The following ELAC1 variants were observed in gnomAD, a reference collection of about 807,000 sequenced individuals.
The protein encoded by ELAC1 is zinc phosphodiesterase ELAC protein 1.
Under a neutral mutation model 25.8 loss-of-function variants are expected in ELAC1, and 19 were observed. The observed-to-expected ratio is 0.74, with a 90% CI of 0.51 to 1.08. The LOEUF (loss-of-function observed/expected upper bound fraction) is 1.08, where lower values mean the gene tolerates loss of function less well. Among genes scored for constraint, ELAC1 ranks in the 50% least tolerant of loss-of-function variants. ELAC1 has a pLI of 0.00. For synonymous variants in ELAC1, 148 were observed against 160.9 expected, an observed-to-expected ratio of 0.92 and a Z score of 0.61; for missense variants, 403 against 434.6, an observed-to-expected ratio of 0.93 and a Z score of 0.65.
rs1464888580 is a variant in ELAC1, at chr18:50,971,908, GTGTGTATA to G, written c.-8-2487_-8-2480del. On this transcript the variant is annotated intron_variant, in intron 1 of 3. Coordinates refer to ENST00000269466, the MANE Select transcript of ELAC1 (RefSeq NM_018696.3). Reference sequence around the variant, plus strand: ...TATATATGTATATATGTGTGTGTGTGTGTGTATATATATATATATATATATATATATAT... The same window carrying G: ...TATATATGTATATATGTGTGTGTGTGTATATATATATATATATATATATAT... Among the ~76,000 whole-genome samples the G allele has an allele frequency of 9.2e-3, 1,172 of 127,212 alleles. 11 individuals are homozygous for G. The highest frequency in any genetic ancestry group is 0.028 in the East Asian group (130 of 4,646). The allele number at this position is 127,212 out of a possible 152,430, so 83.5% of individuals were successfully genotyped here.
chr18:50,971,890 GTATATA>G (rs1253586508), intron 1 of ELAC1, among the ~76,000 whole-genome samples: 14 of 114,590 alleles, frequency 1.2e-4, no homozygotes, highest in African/African-American at 3.8e-4. Context: ...GTATATATAT[GTATATA>G]TGTGTGTGTG....
chr18:50,970,074 ATAGGGT>A, intron 1 of ELAC1, among the ~76,000 whole-genome samples: 1 of 152,182 alleles, frequency 6.6e-6, no homozygotes. Context: ...CCAATTATTG[ATAGGGT>A]TTTTTGTTTT....
At chr18:50,972,580 C>T (rs1227848291) in intron 1 of ELAC1, among the ~76,000 whole-genome samples, 1 of 152,180 alleles carries the variant, frequency 6.6e-6, no homozygotes, top group Non-Finnish European at 1.5e-5. Context: ...CTCCCAGGTT[C>T]AAGCAATTCT....
intron 2 of ELAC1, among the ~76,000 whole-genome samples, chr18:50,983,681 T>A (rs947672764): frequency 6.9e-6 from 1 of 145,284 alleles, no homozygotes; most frequent in African/African-American, 2.5e-5. Flanking sequence ...AGACCTCATT[T>A]CTACAAAATT....
At chr18:50,975,642 C>T (rs557945272) in intron 2 of ELAC1, among the ~76,000 whole-genome samples, 3 of 151,960 alleles carry the variant, frequency 2.0e-5, no homozygotes, top group South Asian at 2.1e-4. Context: ...CTTATTAGGT[C>T]TTGATAAATA....
intron 2 of ELAC1, among the ~76,000 whole-genome samples, chr18:50,980,374 C>G (rs1473162755): frequency 6.6e-6 from 1 of 151,118 alleles, no homozygotes; most frequent in Non-Finnish European, 1.5e-5. Flanking sequence ...TAATCTTGGC[C>G]AAAAAAACCC....
In ELAC1 at chr18:50,984,121, A is replaced by T. The variant is rs527424233; in HGVS notation, c.183A>T (p.Thr61=). 6 of 1,593,150 alleles carry T rather than the reference A, an allele frequency of 3.8e-6. No individual in the cohort carries two copies. The Admixed American group carries it at 9.1e-5, about 24-fold the overall frequency. Residue 61 remains threonine (T), a synonymous_variant, in exon 3 of 4, where the codon ACA becomes ACT. Transcript: ENST00000269466. ...KAGRITKIFI[T]HLHGDHFFGL... is the part of the protein sequence containing the mutation. ...GGAGAATTACCAAGATCTTCATCACACACCTTCATGGAGACCATTTCTTTG... is the reference window on the plus strand; with the variant it reads ...GGAGAATTACCAAGATCTTCATCACTCACCTTCATGGAGACCATTTCTTTG...
At position 50,984,209 on chromosome 18, in the gene ELAC1, A is replaced by T; in HGVS notation, c.271A>T (p.Ile91Phe). The change falls in exon 3 of 4, where the codon ATT becomes TTT. Residue 91 changes from isoleucine (I) to phenylalanine (F), a missense_variant. Transcript: ENST00000269466. ...QSGSMVSKQP[I>F]EIYGPVGLRD... ...TGGCTCCATGGTGTCCAAACAGCCT[A>T]TTGAAATCTATGGCCCTGTAGGGCT... The T allele has an allele frequency of 1.2e-6, 2 of 1,614,140 alleles. No homozygotes were observed. Among genetic ancestry groups the T allele is most frequent in the Non-Finnish European group, 1.7e-6 (2 of 1,180,018 alleles).
rs576336611 is a variant in ELAC1, at chr18:50,968,069, C to G, written c.-54C>G. 6.6e-6 allele frequency: 1 copy of G among 152,114 alleles called. No individual in the cohort carries two copies. The highest frequency in any genetic ancestry group is 1.5e-5 in the Non-Finnish European group (1 of 68,016). The allele number at this position is 152,114 out of a possible 1,614,324, so 9.4% of individuals were successfully genotyped here. A position where few individuals can be genotyped will look rare whatever the true frequency, so the allele number is the denominator to read the frequency against. ...CCCCGCGGACAGCTGGGCCAGGGTG[C>G]GGGCCTGCGCCTCCCTCGGCTCCTG... On this transcript the variant is annotated 5_prime_UTR_variant, in exon 1 of 4. Transcript: ENST00000269466.
chr18:50,973,485 G>A (rs571077195), intron 1 of ELAC1, among the ~76,000 whole-genome samples: 1 of 152,184 alleles, frequency 6.6e-6, no homozygotes, highest in African/African-American at 2.4e-5. Context: ...CGTGAGTCAT[G>A]GACCATGTCA....
At chr18:50,977,413 A>G (rs1180769633) in intron 2 of ELAC1, among the ~76,000 whole-genome samples, 2 of 152,194 alleles carry the variant, frequency 1.3e-5, no homozygotes, top group African/African-American at 4.8e-5. Context: ...GCCCAACACC[A>G]CATCTAAGCT....
At chr18:50,980,774 A>G (rs1187181805) in intron 2 of ELAC1, among the ~76,000 whole-genome samples, 3 of 151,754 alleles carry the variant, frequency 2.0e-5, no homozygotes, top group Non-Finnish European at 4.4e-5. Flanking sequence ...AAAAAAAAAA[A>G]AAAAAAAAGA....
rs186077593 is a variant in ELAC1, at chr18:50,987,123, A to C, written c.*38A>C. Reference sequence around the variant, plus strand: ...TGAGTGCACACTGACATGTCTGTGAATATGTTACTGAACCTATAGTCCAGT... The same window carrying C: ...TGAGTGCACACTGACATGTCTGTGACTATGTTACTGAACCTATAGTCCAGT... On this transcript the variant is annotated 3_prime_UTR_variant, in exon 4 of 4. Transcript: ENST00000269466. 5 of 1,399,360 alleles carry C rather than the reference A, an allele frequency of 3.6e-6. No individual in the cohort carries two copies. In the East Asian group the frequency reaches 1.2e-4, roughly 32 times the overall value. The allele number at this position is 1,399,360 out of a possible 1,614,324, so 86.7% of individuals were successfully genotyped here. A position where few individuals can be genotyped will look rare whatever the true frequency, so the allele number is the denominator to read the frequency against.
At chr18:50,973,928 C>T (rs1178444018) in intron 1 of ELAC1, among the ~76,000 whole-genome samples, 1 of 152,226 alleles carries the variant, frequency 6.6e-6, no homozygotes, top group African/African-American at 2.4e-5. Flanking sequence ...CATTAGAGCT[C>T]ATTCACTCTA....
Position 50,984,105 on chromosome 18 carries a change from C to T in ELAC1, c.167C>T (p.Thr56Ile). Residue 56 changes from threonine (T) to isoleucine (I), a missense_variant, in exon 3 of 4, where the codon ACC becomes ATC. Physicochemically the swap from Thr to Ile is moderately conservative, Grantham distance 89 (BLOSUM62 -1). Transcript: ENST00000269466. The part of the protein sequence containing the change: ...MKSQLKAGRI[T>I]KIFITHLHGD... ...CTATCTCAATCAAAAGGGAGAATTA[C>T]CAAGATCTTCATCACACACCTTCAT... 6.3e-7 allele frequency: 1 copy of T among 1,576,880 alleles called. No homozygotes were observed. Among genetic ancestry groups the T allele is most frequent in the Middle Eastern group, 1.7e-4 (1 of 5,886 alleles).
intron 2 of ELAC1, among the ~76,000 whole-genome samples, chr18:50,979,538 C>G (rs951820047): frequency 6.6e-6 from 1 of 152,102 alleles, no homozygotes; most frequent in Non-Finnish European, 1.5e-5. Flanking sequence ...AAGATGGAGT[C>G]TTATGTCCCA....
chr18:50,971,489 A>G (rs1355691003), intron 1 of ELAC1, among the ~76,000 whole-genome samples: 1 of 152,118 alleles, frequency 6.6e-6, no homozygotes, highest in Non-Finnish European at 1.5e-5. Context: ...CCAGGTTCCA[A>G]TGATCCTCCT....
At position 50,984,561 on chromosome 18, in the gene ELAC1, T is replaced by A; in HGVS notation, c.623T>A (p.Leu208His). The change falls in exon 3 of 4, where the codon CTT becomes CAT. Residue 208 changes from leucine to histidine, a missense_variant and splice_region_variant. Leu to His is a moderately conservative substitution (Grantham distance 99, BLOSUM62 -3). Coordinates refer to ENST00000269466, the MANE Select transcript of ELAC1 (RefSeq NM_018696.3). ...CTCAATGCACAGAAACTTAAAGACCTTGGTAAGTGTTTTTTTGTTTTTTGT... is the reference window on the plus strand; with the variant it reads ...CTCAATGCACAGAAACTTAAAGACCATGGTAAGTGTTTTTTTGTTTTTTGT... ...GKLNAQKLKD[L>H]GVPPGPAYGK... The A allele has an allele frequency of 6.2e-7, 1 of 1,605,006 alleles. No individual in the cohort carries two copies. The highest frequency in any genetic ancestry group is 2.2e-5 in the East Asian group (1 of 44,788).
chr18:50,977,940 A>C lies in ELAC1; in HGVS notation c.157+3379A>C, dbSNP rs1393795766. Among the ~76,000 whole-genome samples the C allele has an allele frequency of 3.3e-5, 5 of 152,204 alleles. No individual in the cohort carries two copies. The South Asian group carries it at 8.3e-4, about 25-fold the overall frequency. On this transcript the variant is annotated intron_variant, in intron 2 of 3. Coordinates refer to ENST00000269466, the MANE Select transcript of ELAC1 (RefSeq NM_018696.3). ...ATCTCTCTCAAGTTCAAAGTTCCACAGATCTCTAGGGCAGGGGCACAATGC... is the reference window on the plus strand; with the variant it reads ...ATCTCTCTCAAGTTCAAAGTTCCACCGATCTCTAGGGCAGGGGCACAATGC...
Sources: allele counts gnomAD v4.1 joint callset (sites outside exome capture counted in the v4.1 genomes callset), GRCh38; gene constraint gnomAD v4.1.1; transcripts MANE v1.5; gene names NCBI Gene and HGNC (gene_info 2026-07-23, HGNC 2026-07-21).